DCBLD1: variants seen among roughly 807,000 people sequenced by gnomAD.
DCBLD1 encodes discoidin, CUB and LCCL domain-containing protein 1.
Under a neutral mutation model 71.5 loss-of-function variants are expected in DCBLD1, and 57 were observed. That is an observed-to-expected ratio of 0.80 (90% CI 0.64 to 0.99). The LOEUF (loss-of-function observed/expected upper bound fraction) is 0.99, where lower values mean the gene tolerates loss of function less well. Among genes scored for constraint, DCBLD1 ranks in the 50% least tolerant of loss-of-function variants. The probability of loss-of-function intolerance (pLI) is 0.00; values close to 1 mark genes in which losing one functional copy is unlikely to be tolerated. For missense variants in DCBLD1, 891 were observed against 923.5 expected (o/e 0.96, Z 0.46); for synonymous variants, 380 against 363.8 (o/e 1.04, Z -0.51).
chr6:117,482,959 GCGGGCCGGGCCGGGCCGAGGGCTA>G, intron 1 of DCBLD1, 66 bp downstream of exon 1: 1 of 635,180 alleles, frequency 1.6e-6, no homozygotes, highest in Admixed American at 7.9e-5. Context: ...GGGCTGCGGG[GCGGGCCGGGCCGGGCCGAGGGCTA>G]CGGGGCGGGC....
chr6:117,534,864 C>G (rs1213103538), intron 6 of DCBLD1, among the ~76,000 whole-genome samples: 1 of 151,852 alleles, frequency 6.6e-6, no homozygotes, highest in Non-Finnish European at 1.5e-5. Context: ...AAGGGTTTTG[C>G]TTCATATTCC....
At chr6:117,522,277 A>G (rs2114494345) in intron 4 of DCBLD1, among the ~76,000 whole-genome samples, 1 of 152,296 alleles carries the variant, frequency 6.6e-6, no homozygotes, top group Middle Eastern at 3.4e-3. Flanking sequence ...GCGTCGTTAG[A>G]TACTTAGCAG....
Position 117,549,094 on chromosome 6 carries a change from C to G in DCBLD1, c.*655C>G, listed in dbSNP as rs552233422. On this transcript the variant is annotated 3_prime_UTR_variant, in exon 15 of 15. Transcript: ENST00000338728. The stretch of plus-strand genomic sequence containing the variant: ...TTAAAAACAAGCAAAGAAACAACAC[C>G]TCAGCAGCTGCCCGTTTCCTTAGTC... The G allele has an allele frequency of 5.1e-6, 5 of 985,880 alleles. No homozygotes were observed. The highest frequency in any genetic ancestry group is 5.2e-4 in the Middle Eastern group (1 of 1,914). 61.1% of individuals were successfully genotyped at this position (985,880 alleles called of 1,614,324 possible).
At chr6:117,529,321 A>T (rs1472461658) in intron 5 of DCBLD1, among the ~76,000 whole-genome samples, 4 of 151,092 alleles carry the variant, frequency 2.6e-5, no homozygotes, top group Non-Finnish European at 5.9e-5. Context: ...ACAGTTTAGT[A>T]TTTTTGGTTG....
intron 1 of DCBLD1, among the ~76,000 whole-genome samples, chr6:117,483,978 T>G (rs1776998213): frequency 6.6e-6 from 1 of 152,176 alleles, no homozygotes; most frequent in African/African-American, 2.4e-5. Flanking sequence ...ACATACCAGT[T>G]TGTTTAAAAA....
At chr6:117,543,320 T>G (rs545709282) in intron 12 of DCBLD1, 109 bp downstream of exon 12, 1 of 865,306 alleles carries the variant, frequency 1.2e-6, no homozygotes, top group South Asian at 1.5e-5. Flanking sequence ...ATGGCTTCTT[T>G]CAAAATAAAA....
chr6:117,485,750 A>G (rs1777065662), intron 1 of DCBLD1, among the ~76,000 whole-genome samples: 1 of 152,224 alleles, frequency 6.6e-6, no homozygotes, highest in Non-Finnish European at 1.5e-5. Context: ...AGTAATAAAG[A>G]GCCTACTGAC....
Position 117,548,233 on chromosome 6 carries a change from C to T in DCBLD1, c.1942C>T (p.Gln648Ter). Residue 648 changes from glutamine (Q) to a stop codon, truncating the protein, a stop_gained, in exon 15 of 15, where the codon CAG becomes TAG. Transcript: ENST00000338728. LOFTEE classifies it low-confidence loss of function (END_TRUNC). ...GFSPVAGVGA[Q>*]DGDYQRPHSA... ...CTCCCCCGTAGCGGGTGTGGGCGCC[C>T]AGGACGGAGACTATCAAAGGCCACA... is the stretch of plus-strand genomic sequence containing the variant. 1 of 1,550,616 alleles carries T rather than the reference C, an allele frequency of 6.4e-7. No individual in the cohort carries two copies. Among genetic ancestry groups the T allele is most frequent in the Non-Finnish European group, 8.7e-7 (1 of 1,146,998 alleles).
chr6:117,486,236 T>C (rs1485196079), intron 1 of DCBLD1, among the ~76,000 whole-genome samples: 1 of 152,234 alleles, frequency 6.6e-6, no homozygotes, highest in Non-Finnish European at 1.5e-5. Context: ...ATGAATTTAA[T>C]TGCAGCATTT....
intron 14 of DCBLD1, chr6:117,561,031 T>C (rs1401079208): frequency 4.5e-6 from 1 of 219,804 alleles, no homozygotes; most frequent in Non-Finnish European, 9.1e-6. Flanking sequence ...TTTTAACTAG[T>C]TACTTTCTAA....
intron 6 of DCBLD1, among the ~76,000 whole-genome samples, chr6:117,535,950 G>A (rs1227227350): frequency 6.6e-6 from 1 of 152,184 alleles, no homozygotes; most frequent in East Asian, 1.9e-4. Context: ...GTAATGATTG[G>A]TGCCTGCATT....
rs187745619 is a variant in DCBLD1 at position 117,567,109 on chromosome 6, G to C, written c.1616-2511G>C. The C allele has an allele frequency of 1.6e-4, 179 of 1,123,744 alleles. No individual in the cohort carries two copies. The African/African-American group carries it at 2.5e-3, about 16-fold the overall frequency. 69.6% of individuals were successfully genotyped at this position (1,123,744 alleles called of 1,614,324 possible). A position where few individuals can be genotyped will look rare whatever the true frequency, so the allele number is the denominator to read the frequency against. On this transcript the variant is annotated intron_variant, in intron 14 of 14. Transcript: ENST00000296955. ...TAAAAAGGATTTCCAAATTCTTTGT[G>C]GGAAGGCTTAGGGGTAGAGAGATCT...
At chr6:117,544,403 CCAT>C in intron 12 of DCBLD1, 122 bp from the exon 13 acceptor site, 1 of 746,314 alleles carries the variant, frequency 1.3e-6, no homozygotes, top group South Asian at 3.6e-5. Flanking sequence ...ATGGCAGCTG[CCAT>C]CTCATTTAAT....
chr6:117,568,613 T>C (rs756537106), intron 14 of DCBLD1, among the ~76,000 whole-genome samples: 4 of 152,190 alleles, frequency 2.6e-5, no homozygotes, highest in East Asian at 1.9e-4. Flanking sequence ...AAAAATACCA[T>C]TTTGCAGAAA....
At chr6:117,565,525 A>G (rs1422582827) in intron 14 of DCBLD1, among the ~76,000 whole-genome samples, 2 of 152,176 alleles carry the variant, frequency 1.3e-5, no homozygotes. Flanking sequence ...TTTACTGGTG[A>G]TTTGAAAAAT....
intron 2 of DCBLD1, among the ~76,000 whole-genome samples, chr6:117,511,052 A>G (rs545052857): frequency 1.3e-5 from 2 of 152,212 alleles, no homozygotes; most frequent in South Asian, 2.1e-4. Context: ...CTGGGATTCA[A>G]GTCTGGGCAT....
chr6:117,519,741 G>GA (rs1249272947), intron 2 of DCBLD1, 75 bp from the exon 3 acceptor site: 3 of 1,553,322 alleles, frequency 1.9e-6, no homozygotes, highest in African/African-American at 1.4e-5. Context: ...GCCTTTCAAG[G>GA]AAAAAAATGC....
Position 117,547,996 on chromosome 6 carries a change from G to A in DCBLD1, c.1705G>A (p.Gly569Arg), listed in dbSNP as rs1779327567. The A allele has an allele frequency of 1.3e-6, 2 of 1,550,556 alleles. No homozygotes were observed. The highest frequency in any genetic ancestry group is 4.9e-5 in the East Asian group (2 of 40,916). Residue 569 changes from glycine (G) to arginine (R), a missense_variant, in exon 15 of 15, where the codon GGG (glycine) becomes AGG (arginine). Coordinates refer to ENST00000338728, the MANE Select transcript of DCBLD1 (RefSeq NM_001366458.2). ...RPMDTDAEEA[G>R]VSTDAGGHYD... ...CATGGACACGGATGCCGAGGAGGCA[G>A]GGGTGAGCACCGATGCCGGCGGCCA...
rs773378303 is a variant in DCBLD1, at chr6:117,539,384, G to A, written c.1101+5G>A. 3 of 1,600,012 alleles carry A rather than the reference G, an allele frequency of 1.9e-6. No individual in the cohort carries two copies. Among genetic ancestry groups the A allele is most frequent in the Non-Finnish European group, 2.5e-6 (3 of 1,176,802 alleles). On this transcript the variant is annotated splice_donor_5th_base_variant and intron_variant, in intron 9 of 14. Coordinates refer to ENST00000338728, the MANE Select transcript of DCBLD1 (RefSeq NM_001366458.2). ...ATTGTGAATAATGAAGAAAAGGTAA[G>A]AGGTAACCCTAGAGGCAAGAGAACT...
Sources: gnomAD v4.1 joint callset for allele counts (sites outside exome capture counted in the v4.1 genomes callset) on GRCh38, gnomAD v4.1.1 for gene constraint, MANE v1.5 for transcripts, NCBI Gene and HGNC (gene_info 2026-07-23, HGNC 2026-07-21) for gene names.